Variants in COL4A1 observed in about 807,000 individuals in gnomAD.
COL4A1 encodes the protein collagen type IV alpha 1 chain.
Under a neutral mutation model 216.6 loss-of-function variants are expected in COL4A1, and 40 were observed. The ratio of observed to expected loss-of-function variants is 0.18; its 90% confidence interval spans 0.14 to 0.24. The LOEUF (loss-of-function observed/expected upper bound fraction) is 0.24, where lower values mean the gene tolerates loss of function less well. Among genes scored for constraint, COL4A1 ranks in the 10% least tolerant of loss-of-function variants. The pLI is 1.00. For synonymous variants in COL4A1, 839 were observed against 810.7 expected (o/e 1.03, Z -0.59); for missense variants, 1,628 against 2,196.8 (o/e 0.74, Z 5.18).
chr13:110,296,755 G>T (rs999548556), intron 1 of COL4A1, among the ~76,000 whole-genome samples: 8 of 152,220 alleles, frequency 5.3e-5, no homozygotes, highest in South Asian at 2.1e-4. Flanking sequence ...GGAATAAATT[G>T]TCACCTATTC....
chr13:110,155,441 C>T, intron 49 of COL4A1, 44 bp from the exon 50 acceptor site: 1 of 1,405,600 alleles, frequency 7.1e-7, no homozygotes. Flanking sequence ...GGGTGCAGGG[C>T]AGAGGCCGCC....
chr13:110,192,302 G>A lies in COL4A1; in HGVS notation c.1466-18C>T, dbSNP rs777144964. ...TGGGAAACCTTTCGTGAGAGAGAGGGAAAAAGACAGCAACACAGCATTCAT... is the reference window on the plus strand; with the variant it reads ...TGGGAAACCTTTCGTGAGAGAGAGGAAAAAAGACAGCAACACAGCATTCAT... On this transcript the variant is annotated intron_variant, in intron 23 of 51. Coordinates refer to ENST00000375820, the MANE Select transcript of COL4A1 (RefSeq NM_001845.6). The A allele has an allele frequency of 1.9e-6, 3 of 1,612,384 alleles. No homozygotes were observed. The Admixed American group carries it at 5.0e-5, about 27-fold the overall frequency.
intron 2 of COL4A1, among the ~76,000 whole-genome samples, chr13:110,226,727 T>C (rs1478360243): frequency 6.6e-6 from 1 of 152,252 alleles, no homozygotes; most frequent in Non-Finnish European, 1.5e-5. Context: ...AACTGAATTT[T>C]AATCTCTTTT....
In COL4A1 at chr13:110,183,290, A is replaced by G. The variant is rs77863304; in HGVS notation, c.1898-14T>C. Reference sequence around the variant, plus strand: ...CACCCTTTGGACCTAGAGGAAAAAAAGAGCAAAGACAAACGATGAAGGAAT... The same window carrying G: ...CACCCTTTGGACCTAGAGGAAAAAAGGAGCAAAGACAAACGATGAAGGAAT... On this transcript the variant is annotated splice_polypyrimidine_tract_variant and intron_variant, in intron 26 of 51. Transcript: ENST00000375820. The G allele has an allele frequency of 6.2e-7, 1 of 1,609,850 alleles. No individual in the cohort carries two copies. The highest frequency in any genetic ancestry group is 1.3e-5 in the African/African-American group (1 of 75,006).
intron 1 of COL4A1, among the ~76,000 whole-genome samples, chr13:110,248,979 C>T (rs1459449447): frequency 2.0e-5 from 3 of 152,152 alleles, no homozygotes; most frequent in African/African-American, 4.8e-5. Flanking sequence ...GCTTGTGTCA[C>T]GCTTGTTTTA....
At chr13:110,178,000 A>G in intron 32 of COL4A1, 64 bp downstream of exon 32, 1 of 1,614,002 alleles carries the variant, frequency 6.2e-7, no homozygotes, top group Non-Finnish European at 8.5e-7. Flanking sequence ...CTGAGTCATA[A>G]AAAGAATAAG....
chr13:110,230,344 T>G (rs949001633), intron 2 of COL4A1, among the ~76,000 whole-genome samples: 1 of 151,974 alleles, frequency 6.6e-6, no homozygotes, highest in Non-Finnish European at 1.5e-5. Flanking sequence ...GATGTGTGCA[T>G]GCACACATGT....
At chr13:110,304,356 A>G (rs1244980974) in intron 1 of COL4A1, among the ~76,000 whole-genome samples, 2 of 152,196 alleles carry the variant, frequency 1.3e-5, no homozygotes, top group African/African-American at 2.4e-5. Flanking sequence ...GTGGTGACTA[A>G]TGGTCAGGAG....
rs1883140092 is a variant in COL4A1 at position 110,268,887 on chromosome 13, G to T, written c.85-26153C>A. ...GTTTGAAGCAGTGAGAAGTGGAAAG[G>T]AACCCAAGGAGGAGGGAGTGGGAAC... On this transcript the variant is annotated intron_variant, in intron 1 of 51. Transcript: ENST00000375820. The surrounding 1 kb of genome is among the most constrained non-coding windows in gnomAD (Gnocchi z 4.1). Among the ~76,000 whole-genome samples, 1 of 152,304 alleles carries T rather than the reference G, an allele frequency of 6.6e-6. No homozygotes were observed. The highest frequency in any genetic ancestry group is 3.4e-3 in the Middle Eastern group (1 of 294).
At chr13:110,217,252 T>C (rs1462654850) in intron 2 of COL4A1, among the ~76,000 whole-genome samples, 2 of 152,230 alleles carry the variant, frequency 1.3e-5, no homozygotes, top group Non-Finnish European at 2.9e-5. Context: ...TCCAAGATTT[T>C]AGCACATTTC....
chr13:110,272,840 G>T (rs1247066356), intron 1 of COL4A1, among the ~76,000 whole-genome samples: 1 of 152,208 alleles, frequency 6.6e-6, no homozygotes, highest in East Asian at 1.9e-4. Flanking sequence ...TGATGTGGCT[G>T]ATGTCAGAAC....
Position 110,206,296 on chromosome 13 carries a change from C to G in COL4A1, c.858+369G>C, listed in dbSNP as rs531288279. Among the ~76,000 whole-genome samples, 6 of 152,374 alleles carry G rather than the reference C, an allele frequency of 3.9e-5. No homozygotes were observed. The East Asian group carries it at 1.2e-3, about 29-fold the overall frequency. Reference sequence around the variant, plus strand: ...CCACCATCCCTAAAGTGAAAAGCAACTCAGCCTCTCAGGCTTGTGGCTGTG... The same window carrying G: ...CCACCATCCCTAAAGTGAAAAGCAAGTCAGCCTCTCAGGCTTGTGGCTGTG... On this transcript the variant is annotated intron_variant, in intron 15 of 51. Transcript: ENST00000375820.
intron 1 of COL4A1, among the ~76,000 whole-genome samples, chr13:110,253,180 C>CGTATTATATATACATGTAACTGTATGTAT (rs1566417498): frequency 1.1e-5 from 1 of 91,166 alleles, no homozygotes; most frequent in Non-Finnish European, 2.1e-5. Flanking sequence ...ACTATATGTA[C>CGTATTATATATACATGTAACTGTATGTAT]GTATGTATTA....
chr13:110,194,290 A>G (rs2139181852), intron 22 of COL4A1, among the ~76,000 whole-genome samples: 1 of 152,324 alleles, frequency 6.6e-6, no homozygotes, highest in African/African-American at 2.4e-5. Context: ...AGACTAAAAC[A>G]TGTTTACAGT....
At chr13:110,297,324 G>A (rs1454859606) in intron 1 of COL4A1, among the ~76,000 whole-genome samples, 2 of 152,140 alleles carry the variant, frequency 1.3e-5, no homozygotes, top group Admixed American at 1.3e-4. Context: ...ACAAGAGGAA[G>A]ACCAAAGATC....
chr13:110,290,756 G>A (rs182361640), intron 1 of COL4A1, among the ~76,000 whole-genome samples: 1 of 152,196 alleles, frequency 6.6e-6, no homozygotes, highest in Admixed American at 6.5e-5. Flanking sequence ...ACTGGAAAAG[G>A]AACAAAGAAA....
intron 1 of COL4A1, among the ~76,000 whole-genome samples, chr13:110,282,830 T>C (rs938550206): frequency 6.6e-6 from 1 of 152,220 alleles, no homozygotes; most frequent in Non-Finnish European, 1.5e-5. Flanking sequence ...AAAAAATCAA[T>C]TTGGAAATAT....
intron 43 of COL4A1, among the ~76,000 whole-genome samples, 170 bp from the exon 44 acceptor site, chr13:110,167,400 T>C (rs1877394912): frequency 6.6e-6 from 1 of 152,232 alleles, no homozygotes; most frequent in Non-Finnish European, 1.5e-5. Flanking sequence ...CACCTTTGCA[T>C]GTGCCTCAAT....
At position 110,246,426 on chromosome 13, in the gene COL4A1, T is replaced by G. The variant is rs1881816249; in HGVS notation, c.85-3692A>C. ...ATAAGCTTCAAATGGTGAATTAAAA[T>G]AAAAGTCAGGTAATGCAAGTCTTAA... On this transcript the variant is annotated intron_variant, in intron 1 of 51. Transcript: ENST00000375820. Among the ~76,000 whole-genome samples the G allele has an allele frequency of 5.4e-4, 4 of 7,448 alleles. No individual in the cohort carries two copies. In the South Asian group the frequency reaches 0.036, roughly 67 times the overall value. The allele number at this position is 7,448 out of a possible 152,430, so 4.9% of individuals were successfully genotyped here.
Sources: gnomAD v4.1 joint callset for allele counts (sites outside exome capture counted in the v4.1 genomes callset) on GRCh38, gnomAD v4.1.1 for gene constraint, Gnocchi (gnomAD v3.1) non-coding constraint, MANE v1.5 for transcripts, NCBI Gene and HGNC (gene_info 2026-07-23, HGNC 2026-07-21) for gene names.